The following WDR33 variants were observed in gnomAD, a reference collection of about 807,000 sequenced individuals.
WDR33 encodes pre-mRNA 3' end processing protein WDR33.
Under a neutral mutation model 164.9 loss-of-function variants are expected in WDR33, and 47 were observed. The ratio of observed to expected loss-of-function variants is 0.29; its 90% CI spans 0.23 to 0.36. WDR33 has a LOEUF of 0.36. WDR33 is among the 10% of genes least tolerant of loss of function. The probability of loss-of-function intolerance (pLI) is 1.00; values close to 1 mark genes in which losing one functional copy is unlikely to be tolerated. For missense variants in WDR33, 1,137 were observed against 1,754.1 expected (o/e 0.65, Z 6.28); for synonymous variants, 505 against 589.0 (o/e 0.86, Z 2.06).
intron 1 of WDR33, among the ~76,000 whole-genome samples, chr2:127,805,798 G>A (rs181978992): frequency 4.6e-5 from 7 of 152,302 alleles, no homozygotes; most frequent in Non-Finnish European, 8.8e-5. Flanking sequence ...AAAGTAAGCT[G>A]TGCCCTGTGC....
At chr2:127,707,735 C>G (rs1052306084) in intron 21 of WDR33, among the ~76,000 whole-genome samples, 44 of 152,298 alleles carry the variant, frequency 2.9e-4, no homozygotes, top group African/African-American at 9.9e-4. Context: ...GAGGCCAAGG[C>G]AGGTGGATCA....
rs1686409944 is a variant in WDR33, at chr2:127,720,444, C to T, written c.1672-91G>A. On this transcript the variant is annotated intron_variant, in intron 15 of 21. Transcript: ENST00000322313. This position sits in a 1 kb window ranked among gnomAD's most constrained non-coding sequence, Gnocchi z 5.9. ...TGCTATCATGTATTCTGTTAGGGGA[C>T]TCTCAAACATAAAAACTGCTCAAAC... 1 of 1,405,224 alleles carries T rather than the reference C, an allele frequency of 7.1e-7. No individual in the cohort carries two copies. Among genetic ancestry groups the T allele is most frequent in the South Asian group, 1.8e-5 (1 of 54,702 alleles). 87.0% of individuals were successfully genotyped at this position (1,405,224 alleles called of 1,614,324 possible).
Position 127,726,731 on chromosome 2 carries a change from C to A in WDR33, c.771G>T (p.Gly257=), listed in dbSNP as rs762436280. The A allele has an allele frequency of 1.2e-6, 2 of 1,614,080 alleles. No homozygotes were observed. The highest frequency in any genetic ancestry group is 1.1e-5 in the South Asian group (1 of 91,088). ...TATCTTTACTTCCTGAAACAACTAA[C>A]CCTTTGGTTGGATGCCAGTCTACAC... ...VKCVDWHPTK[G]LVVSGSKDSQ... Residue 257 remains glycine (G), a synonymous_variant, in exon 8 of 22, where the codon GGG becomes GGT. Coordinates refer to ENST00000322313, the MANE Select transcript of WDR33 (RefSeq NM_018383.5). The surrounding 1 kb of genome is among the most constrained non-coding windows in gnomAD (Gnocchi z 4.8).
At chr2:127,795,066 T>A (rs13388589) in intron 1 of WDR33, among the ~76,000 whole-genome samples, 3,149 of 150,810 alleles carry the variant, frequency 0.021, 142 homozygotes, top group African/African-American at 0.074. Flanking sequence ...ACATGGAATC[T>A]GTACAAGGGA....
At chr2:127,808,367 C>G (rs7575961) in intron 1 of WDR33, among the ~76,000 whole-genome samples, 17,953 of 152,164 alleles carry the variant, frequency 0.12, 1,283 homozygotes, top group African/African-American at 0.2. Flanking sequence ...GCTGCTGAAA[C>G]CCATACATGC....
Position 127,701,684 on chromosome 2 carries a change from G to T in WDR33, c.*4639C>A. On this transcript the variant is annotated 3_prime_UTR_variant, in exon 22 of 22. Transcript: ENST00000322313. Reference sequence around the variant, plus strand: ...TGGGCCGCGCGGGCTTGCGCTGGACGTGGGCGCGGAGCCCTGCGGAGTCGG... The same window carrying T: ...TGGGCCGCGCGGGCTTGCGCTGGACTTGGGCGCGGAGCCCTGCGGAGTCGG... 7.7e-7 allele frequency: 1 copy of T among 1,299,544 alleles called. No individual in the cohort carries two copies. 80.5% of individuals were successfully genotyped at this position (1,299,544 alleles called of 1,614,324 possible).
At chr2:127,790,992 G>A (rs984437290) in intron 1 of WDR33, among the ~76,000 whole-genome samples, 2 of 151,554 alleles carry the variant, frequency 1.3e-5, no homozygotes, top group African/African-American at 4.9e-5. Context: ...GTTCACTTGG[G>A]CCCCCTCCTT....
At position 127,718,554 on chromosome 2, in the gene WDR33, A is replaced by G. The variant is rs1686350047; in HGVS notation, c.2760+711T>C. Among the ~76,000 whole-genome samples, 1 of 152,220 alleles carries G rather than the reference A, an allele frequency of 6.6e-6. No homozygotes were observed. Among genetic ancestry groups the G allele is most frequent in the South Asian group, 2.1e-4 (1 of 4,830 alleles). ...CATCTCTCAAGCACGAGCTCAGCGCATGAGCAATAAAAATTGGCTAACAAA... is the reference window on the plus strand; with the variant it reads ...CATCTCTCAAGCACGAGCTCAGCGCGTGAGCAATAAAAATTGGCTAACAAA... On this transcript the variant is annotated intron_variant, in intron 16 of 21. Coordinates refer to ENST00000322313, the MANE Select transcript of WDR33 (RefSeq NM_018383.5). This position sits in a 1 kb window ranked among gnomAD's most constrained non-coding sequence, Gnocchi z 4.4.
Position 127,706,426 on chromosome 2 carries a change from G to C in WDR33, c.3908C>G (p.Pro1303Arg). ...ACTGCCACTCCGGCCCCCTCGAGAA[G>C]GGGTGCCACTGCCTGGAGGGCCCCC... ...PFGGPPGSGT[P>R]SRGGRSGSNW... Residue 1303 changes from proline to arginine, a missense_variant, in exon 22 of 22, where the codon CCT (proline) becomes CGT (arginine). By Grantham distance (103) the Pro-to-Arg change is moderately radical. Transcript: ENST00000322313. This position sits in a 1 kb window ranked among gnomAD's most constrained non-coding sequence, Gnocchi z 5.1. 1 of 1,613,810 alleles carries C rather than the reference G, an allele frequency of 6.2e-7. No homozygotes were observed. The highest frequency in any genetic ancestry group is 8.5e-7 in the Non-Finnish European group (1 of 1,179,874).
intron 7 of WDR33, among the ~76,000 whole-genome samples, chr2:127,730,789 G>A (rs747765184): frequency 6.6e-6 from 1 of 152,102 alleles, no homozygotes; most frequent in Non-Finnish European, 1.5e-5. Flanking sequence ...ATCACATTGA[G>A]AATAATGGAA....
In WDR33 at chr2:127,771,889, A is replaced by G. The variant is rs182769368; in HGVS notation, c.-23-885T>C. ...TCAGCCTCGTGAAGAAAAAAAGCAC[A>G]ATTCATAACAGCTTGAGGCAGGGTG... On this transcript the variant is annotated intron_variant, in intron 1 of 21. Coordinates refer to ENST00000322313, the MANE Select transcript of WDR33 (RefSeq NM_018383.5). 3.9e-4 allele frequency among the ~76,000 whole-genome samples: 60 copies of G among 152,248 alleles called. No individual in the cohort carries two copies. The East Asian group carries it at 5.4e-3, about 14-fold the overall frequency.
intron 1 of WDR33, among the ~76,000 whole-genome samples, chr2:127,777,880 G>A (rs1282612080): frequency 4.6e-5 from 7 of 152,158 alleles, no homozygotes; most frequent in Admixed American, 3.9e-4. Flanking sequence ...TCAAAGTGGT[G>A]GGATTATAGG....
intron 7 of WDR33, among the ~76,000 whole-genome samples, chr2:127,749,173 T>C (rs1387204200): frequency 6.6e-6 from 1 of 151,976 alleles, no homozygotes; most frequent in African/African-American, 2.4e-5. Flanking sequence ...TTGTATCTAT[T>C]AAAAATAAAA....
chr2:127,722,865 A>G lies in WDR33; in HGVS notation c.1378+93T>C. The G allele has an allele frequency of 2.1e-6, 3 of 1,415,516 alleles. No homozygotes were observed. The East Asian group carries it at 7.3e-5, about 34-fold the overall frequency. The allele number at this position is 1,415,516 out of a possible 1,614,324, so 87.7% of individuals were successfully genotyped here. ...ATTTTTATCAACATTTCTCAACATA[A>G]ATCATTTTGGTATTTCAATATATTT... is the stretch of plus-strand genomic sequence containing the variant. On this transcript the variant is annotated intron_variant, in intron 13 of 21. Coordinates refer to ENST00000322313, the MANE Select transcript of WDR33 (RefSeq NM_018383.5). This position sits in a 1 kb window ranked among gnomAD's most constrained non-coding sequence, Gnocchi z 5.1.
chr2:127,727,550 A>T (rs1450814194), intron 7 of WDR33, among the ~76,000 whole-genome samples: 2 of 152,060 alleles, frequency 1.3e-5, no homozygotes, highest in Non-Finnish European at 2.9e-5. Context: ...AACAGGAGAG[A>T]GTCCCTGAGC....
Position 127,742,379 on chromosome 2 carries a change from T to C in WDR33, c.725-15602A>G, listed in dbSNP as rs759738514. 1.7e-4 allele frequency among the ~76,000 whole-genome samples: 25 copies of C among 151,146 alleles called. No individual in the cohort carries two copies. The Middle Eastern group carries it at 0.017, about 103-fold the overall frequency. ...AACTAAATAAAAATAAAAATAAAAT[T>C]AGCTATGCATGGTGGCTCACACCTG... On this transcript the variant is annotated intron_variant, in intron 7 of 21. Transcript: ENST00000322313.
Position 127,716,521 on chromosome 2 carries a change from CA to C in WDR33, c.2869+633del, listed in dbSNP as rs962996808. ...CGTGCTGCTCACCACGCTCCTGCTC[CA>C]ACTCTGCAAGACAGGGGGGTCCCAC... On this transcript the variant is annotated intron_variant, in intron 17 of 21. Coordinates refer to ENST00000322313, the MANE Select transcript of WDR33 (RefSeq NM_018383.5). The surrounding 1 kb of genome is among the most constrained non-coding windows in gnomAD (Gnocchi z 4.5). Among the ~76,000 whole-genome samples the C allele has an allele frequency of 1.3e-5, 2 of 152,234 alleles. No individual in the cohort carries two copies.
chr2:127,715,796 C>T (rs1462019817), intron 17 of WDR33, among the ~76,000 whole-genome samples: 1 of 152,212 alleles, frequency 6.6e-6, no homozygotes, highest in African/African-American at 2.4e-5. Flanking sequence ...GAAAGAAACC[C>T]ACCACTACAA....
chr2:127,783,684 G>A lies in WDR33; in HGVS notation c.-23-12680C>T, dbSNP rs371344629. The stretch of plus-strand genomic sequence containing the variant: ...CAGTGGTGTGATCTCGGCTCACTGC[G>A]ACCTCCGCCTCCTAGGTTCAAGTGA... On this transcript the variant is annotated intron_variant, in intron 1 of 21. Coordinates refer to ENST00000322313, the MANE Select transcript of WDR33 (RefSeq NM_018383.5). Among the ~76,000 whole-genome samples, 178 of 135,982 alleles carry A rather than the reference G, an allele frequency of 1.3e-3. No homozygotes were observed. In the East Asian group the frequency reaches 0.026, roughly 20 times the overall value. The allele number at this position is 135,982 out of a possible 152,430, so 89.2% of individuals were successfully genotyped here.
Sources: gnomAD v4.1 joint callset for allele counts (sites outside exome capture counted in the v4.1 genomes callset) on GRCh38, gnomAD v4.1.1 for gene constraint, Gnocchi (gnomAD v3.1) non-coding constraint, MANE v1.5 for transcripts, NCBI Gene and HGNC (gene_info 2026-07-23, HGNC 2026-07-21) for gene names.